ABLIM3: variants seen among roughly 807,000 people sequenced by gnomAD.
ABLIM3 encodes the protein actin binding LIM protein family member 3, also known as actin-binding LIM protein 3.
ABLIM3 carries 61 observed loss-of-function variants against 109.5 expected under a neutral mutation model. The ratio of observed to expected loss-of-function variants is 0.56; its 90% CI spans 0.45 to 0.69. The LOEUF (loss-of-function observed/expected upper bound fraction) is 0.69. ABLIM3 is among the 30% of genes least tolerant of loss of function. The pLI is 0.00. For missense variants in ABLIM3, 796 were observed against 889.5 expected (o/e 0.89, Z 1.34); for synonymous variants, 300 against 324.8 (o/e 0.92, Z 0.82).
chr5:149,169,549 C>A (rs1022749418), intron 2 of ABLIM3, among the ~76,000 whole-genome samples: 3 of 152,170 alleles, frequency 2.0e-5, no homozygotes, highest in Non-Finnish European at 4.4e-5. Flanking sequence ...TCAATTTTCG[C>A]CAAACAAGAT....
chr5:149,189,424 T>C (rs968225680), intron 3 of ABLIM3, among the ~76,000 whole-genome samples: 1 of 152,274 alleles, frequency 6.6e-6, no homozygotes, highest in East Asian at 1.9e-4. Context: ...AGACAACCCA[T>C]AGAATAGGAG....
rs767607427 is a variant in ABLIM3, at chr5:149,210,805, G to A, written c.655G>A (p.Gly219Ser). ...KCETCDRYIS[G>S]RVLEAGGKHY... is the part of the protein sequence containing the mutation. ...TGAGACTTGTGACCGATACATCAGT[G>A]GCAGAGTCTTGGAGGTGAGTGGGTA... The change falls in exon 7 of 24, where the codon GGC (glycine) becomes AGC (serine). Residue 219 changes from glycine (G) to serine (S), a missense_variant. Physicochemically the swap from Gly to Ser is moderately conservative, Grantham distance 56. Coordinates refer to ENST00000309868, the MANE Select transcript of ABLIM3 (RefSeq NM_014945.5). 1.2e-5 allele frequency: 19 copies of A among 1,613,994 alleles called. No individual in the cohort carries two copies. Among genetic ancestry groups the A allele is most frequent in the Non-Finnish European group, 1.6e-5 (19 of 1,179,974 alleles).
rs1472156291 is a variant in ABLIM3, at chr5:149,208,392, CTCTT to C, written c.575+1262_575+1265del. On this transcript the variant is annotated intron_variant, in intron 6 of 23. Transcript: ENST00000309868. ...TCTCTCTCTCTCTCTCTCTCAATTT[CTCTT>C]TCTCTCTCTCTGTCTCTCTTTCTCT... Among the ~76,000 whole-genome samples the C allele has an allele frequency of 2.0e-3, 125 of 64,066 alleles. No individual in the cohort carries two copies. In the East Asian group the frequency reaches 0.024, roughly 12 times the overall value. The allele number at this position is 64,066 out of a possible 152,430, so 42.0% of individuals were successfully genotyped here.
chr5:149,153,515 A>G lies in ABLIM3; in HGVS notation c.13+11407A>G, dbSNP rs570717995. 1.1e-4 allele frequency among the ~76,000 whole-genome samples: 16 copies of G among 152,328 alleles called. No homozygotes were observed. The South Asian group carries it at 2.7e-3, about 26-fold the overall frequency. Reference sequence around the variant, plus strand: ...AACTGAGCAGTACGGCCTACAGGAAAAAATGTGATTTCAGGCCATATGGAC... The same window carrying G: ...AACTGAGCAGTACGGCCTACAGGAAGAAATGTGATTTCAGGCCATATGGAC... On this transcript the variant is annotated intron_variant, in intron 2 of 23. Transcript: ENST00000309868.
intron 6 of ABLIM3, among the ~76,000 whole-genome samples, chr5:149,210,245 C>T (rs1216959366): frequency 6.6e-6 from 1 of 152,140 alleles, no homozygotes; most frequent in Non-Finnish European, 1.5e-5. Flanking sequence ...GGTGAGAAAC[C>T]AGACAACCTG....
At chr5:149,147,811 A>C (rs924335191) in intron 2 of ABLIM3, among the ~76,000 whole-genome samples, 1 of 152,174 alleles carries the variant, frequency 6.6e-6, no homozygotes, top group African/African-American at 2.4e-5. Context: ...CAAAAAATGA[A>C]AATGATGAGG....
At chr5:149,171,562 G>A (rs1206558754) in intron 2 of ABLIM3, among the ~76,000 whole-genome samples, 2 of 152,204 alleles carry the variant, frequency 1.3e-5, no homozygotes, top group African/African-American at 2.4e-5. Flanking sequence ...TACCCTATCT[G>A]CTCTCCAGGT....
intron 2 of ABLIM3, among the ~76,000 whole-genome samples, chr5:149,174,176 G>T (rs1755718253): frequency 6.6e-6 from 1 of 152,066 alleles, no homozygotes; most frequent in African/African-American, 2.4e-5. Flanking sequence ...GATGACCAGG[G>T]TGTCATAGGT....
At chr5:149,173,119 T>C (rs1755596313) in intron 2 of ABLIM3, among the ~76,000 whole-genome samples, 1 of 152,088 alleles carries the variant, frequency 6.6e-6, no homozygotes, top group Non-Finnish European at 1.5e-5. Flanking sequence ...GTTGGAGTGG[T>C]GGTCAGGCTG....
chr5:149,177,893 A>C lies in ABLIM3; in HGVS notation c.14-5559A>C, dbSNP rs144047946. Among the ~76,000 whole-genome samples the C allele has an allele frequency of 1.8e-3, 268 of 152,292 alleles. 4 individuals carry two copies. The highest frequency in any genetic ancestry group is 6.3e-3 in the African/African-American group (260 of 41,564). On this transcript the variant is annotated intron_variant, in intron 2 of 23. Transcript: ENST00000309868. Reference sequence around the variant, plus strand: ...TAATTTAAGTAATTTAATACTCACAAATTGCTTCAGTTATTCTTACTCTAG... The same window carrying C: ...TAATTTAAGTAATTTAATACTCACACATTGCTTCAGTTATTCTTACTCTAG...
intron 23 of ABLIM3, among the ~76,000 whole-genome samples, chr5:149,255,728 GTGTGTCT>G (rs911542339): frequency 3.0e-4 from 45 of 152,336 alleles, no homozygotes; most frequent in Admixed American, 2.7e-3. Flanking sequence ...CAGAAGGTTA[GTGTGTCT>G]AGGGTCACAG....
intron 2 of ABLIM3, among the ~76,000 whole-genome samples, chr5:149,173,212 C>G (rs1011789929): frequency 6.6e-6 from 1 of 152,184 alleles, no homozygotes; most frequent in Admixed American, 6.5e-5. Flanking sequence ...GTGATCACTT[C>G]CAATGAGCTT....
chr5:149,247,278 T>C (rs899940508), intron 17 of ABLIM3, among the ~76,000 whole-genome samples: 6 of 152,162 alleles, frequency 3.9e-5, no homozygotes, highest in Non-Finnish European at 8.8e-5. Context: ...AGATTGCTGG[T>C]TCCCAGGGGC....
At chr5:149,176,440 A>G (rs1755936582) in intron 2 of ABLIM3, among the ~76,000 whole-genome samples, 1 of 152,166 alleles carries the variant, frequency 6.6e-6, no homozygotes, top group Non-Finnish European at 1.5e-5. Flanking sequence ...AGAGGTAGCC[A>G]TTCCACTGGC....
chr5:149,173,734 A>G lies in ABLIM3; in HGVS notation c.14-9718A>G, dbSNP rs150276508. 2.8e-4 allele frequency among the ~76,000 whole-genome samples: 42 copies of G among 151,600 alleles called. 1 individual carries two copies. In the East Asian group the frequency reaches 3.1e-3, roughly 11 times the overall value. ...CAGGGGTAAGGCAAAAACAAGAAGT[A>G]GGAACCGCCGGGCGCGGTGGCTCAC... On this transcript the variant is annotated intron_variant, in intron 2 of 23. Transcript: ENST00000309868.
intron 8 of ABLIM3, 56 bp downstream of exon 8, chr5:149,217,102 G>C: frequency 1.3e-6 from 2 of 1,495,022 alleles, no homozygotes; most frequent in Non-Finnish European, 1.9e-6. Context: ...CTGGAAAGGA[G>C]ATGCGATCTT....
chr5:149,215,420 T>C (rs1360650593), intron 7 of ABLIM3, among the ~76,000 whole-genome samples: 2 of 152,072 alleles, frequency 1.3e-5, no homozygotes, highest in African/African-American at 4.8e-5. Context: ...TTTTTCTTTT[T>C]GTAAAAATCT....
At chr5:149,144,602 C>T (rs530148362) in intron 2 of ABLIM3, among the ~76,000 whole-genome samples, 9 of 152,286 alleles carry the variant, frequency 5.9e-5, no homozygotes, top group African/African-American at 2.2e-4. Flanking sequence ...TAAGCACTCC[C>T]CTGATTGAGC....
chr5:149,206,941 G>A (rs1471389191), intron 5 of ABLIM3, 67 bp from the exon 6 acceptor site: 6 of 1,564,880 alleles, frequency 3.8e-6, no homozygotes, highest in Admixed American at 1.8e-5. Flanking sequence ...TCCTTGACGT[G>A]GGCCTGAGAT....
Sources: gnomAD v4.1 joint callset for allele counts (sites outside exome capture counted in the v4.1 genomes callset) on GRCh38, gnomAD v4.1.1 for gene constraint, MANE v1.5 for transcripts, NCBI Gene and HGNC (gene_info 2026-07-23, HGNC 2026-07-21) for gene names.